TMEM117: variants seen among roughly 807,000 people sequenced by gnomAD.
TMEM117 encodes transmembrane protein 117.
In TMEM117, 27 loss-of-function variants were observed where a neutral mutation model predicts 52.4. The ratio of observed to expected loss-of-function variants is 0.51; its 90% CI spans 0.38 to 0.71. The LOEUF (loss-of-function observed/expected upper bound fraction) is 0.71. TMEM117 is among the 30% of genes least tolerant of loss of function. TMEM117 has a pLI of 0.00. For synonymous variants in TMEM117, 215 were observed against 206.3 expected (o/e 1.04, Z -0.36); for missense variants, 556 against 630.5 (o/e 0.88, Z 1.26).
intron 3 of TMEM117, among the ~76,000 whole-genome samples, chr12:44,039,295 G>C (rs2137891367): frequency 6.6e-6 from 1 of 151,466 alleles, no homozygotes; most frequent in East Asian, 1.9e-4. Context: ...TCTGTTTCTG[G>C]GCTCTGTACT....
At chr12:44,161,830 T>A (rs760073640) in intron 4 of TMEM117, among the ~76,000 whole-genome samples, 1 of 152,174 alleles carries the variant, frequency 6.6e-6, no homozygotes, top group African/African-American at 2.4e-5. Flanking sequence ...TTTTATTACA[T>A]GGATAGGTGT....
At chr12:44,136,058 C>T (rs1349914632) in intron 3 of TMEM117, among the ~76,000 whole-genome samples, 1 of 152,116 alleles carries the variant, frequency 6.6e-6, no homozygotes, top group Non-Finnish European at 1.5e-5. Context: ...ATAATAAAAA[C>T]TTATGGCAAT....
At chr12:43,939,902 A>G (rs775510700) in intron 2 of TMEM117, among the ~76,000 whole-genome samples, 4 of 152,196 alleles carry the variant, frequency 2.6e-5, no homozygotes, top group South Asian at 2.1e-4. Context: ...GCAAAATCAC[A>G]TCTTGCATGG....
At chr12:44,208,762 A>C (rs1265792754) in intron 4 of TMEM117, among the ~76,000 whole-genome samples, 2 of 105,808 alleles carry the variant, frequency 1.9e-5, no homozygotes, top group Non-Finnish European at 3.7e-5. Context: ...TCATCTAACC[A>C]TTTTCCTGAG....
At chr12:43,993,570 G>T (rs1164268754) in intron 3 of TMEM117, among the ~76,000 whole-genome samples, 1 of 152,060 alleles carries the variant, frequency 6.6e-6, no homozygotes, top group Non-Finnish European at 1.5e-5. Flanking sequence ...GAGGGGGGTG[G>T]AAGATATGAG....
the TMEM117 span, among the ~76,000 whole-genome samples, chr12:43,813,231 G>GCTTTTTTTTTTTTTTTTTTTTTT: frequency 5.3e-4 from 33 of 62,668 alleles, no homozygotes; most frequent in African/African-American, 1.9e-3. Context: ...GTTTTCTCTT[G>GCTTTTTTTTTTTTTTTTTTTTTT]TTTTTTTTTT....
chr12:44,142,592 G>T lies in TMEM117; in HGVS notation c.411-933G>T, dbSNP rs537703985. Among the ~76,000 whole-genome samples, 6 of 152,086 alleles carry T rather than the reference G, an allele frequency of 3.9e-5. No homozygotes were observed. The East Asian group carries it at 5.8e-4, about 15-fold the overall frequency. ...ATTGGATGTATTTTAAAATTAAGAA[G>T]AATTAAGTTTTACCAATACTCTAAA... On this transcript the variant is annotated intron_variant, in intron 3 of 7. Transcript: ENST00000266534.
At chr12:43,826,315 C>T in the TMEM117 span, among the ~76,000 whole-genome samples, 7,583 of 152,276 alleles carry the variant, frequency 0.05, 240 homozygotes, top group Middle Eastern at 0.13. Context: ...AAGTGTTTCA[C>T]ATGTATTAAC....
At chr12:44,324,959 A>G (rs1372964780) in intron 6 of TMEM117, among the ~76,000 whole-genome samples, 2 of 152,180 alleles carry the variant, frequency 1.3e-5, no homozygotes, top group Non-Finnish European at 2.9e-5. Context: ...ATTATGACTT[A>G]TAATAAGCTA....
intron 5 of TMEM117, among the ~76,000 whole-genome samples, chr12:44,262,231 A>G (rs149936698): frequency 9.5e-4 from 145 of 152,300 alleles, no homozygotes; most frequent in South Asian, 4.6e-3. Flanking sequence ...CACACACACT[A>G]TGCGGTGTGT....
intron 3 of TMEM117, among the ~76,000 whole-genome samples, chr12:43,966,172 T>C (rs1467052331): frequency 6.6e-6 from 1 of 152,218 alleles, no homozygotes. Context: ...CCTAGGTTGA[T>C]TGCATGTCTT....
chr12:43,860,179 C>A (rs888367305), intron 2 of TMEM117, among the ~76,000 whole-genome samples: 1 of 152,144 alleles, frequency 6.6e-6, no homozygotes, highest in Non-Finnish European at 1.5e-5. Context: ...CCCTAGTCCC[C>A]CCACCCCGTG....
In TMEM117 at chr12:44,089,602, C is replaced by G. The variant is rs1947629134; in HGVS notation, c.411-53923C>G. Among the ~76,000 whole-genome samples the G allele has an allele frequency of 4.6e-5, 7 of 152,124 alleles. 1 individual carries two copies. Among genetic ancestry groups the G allele is most frequent in the Admixed American group, 3.9e-4 (6 of 15,270 alleles). On this transcript the variant is annotated intron_variant, in intron 3 of 7. Transcript: ENST00000266534. ...CCTCTGCACTTTTGCTCATGTGACT[C>G]TCTCAGCGTAAGAGAGTCACATGAG...
At chr12:44,000,268 C>T (rs1014216840) in intron 3 of TMEM117, among the ~76,000 whole-genome samples, 1 of 152,140 alleles carries the variant, frequency 6.6e-6, no homozygotes, top group African/African-American at 2.4e-5. Flanking sequence ...CGAGGTTTCT[C>T]TTGGATAGGT....
intron 5 of TMEM117, among the ~76,000 whole-genome samples, chr12:44,277,761 C>CTTTTT (rs35687259): frequency 2.5e-4 from 24 of 95,494 alleles, no homozygotes; most frequent in South Asian, 4.3e-4. Flanking sequence ...AAACTCTGAG[C>CTTTTT]TTTTTTTTTT....
intron 2 of TMEM117, among the ~76,000 whole-genome samples, chr12:43,890,932 A>G (rs945367180): frequency 1.3e-5 from 2 of 152,138 alleles, no homozygotes; most frequent in East Asian, 1.9e-4. Context: ...TTAAAAATTC[A>G]TCTGACTTTT....
At chr12:44,072,718 A>C (rs1230724211) in intron 3 of TMEM117, among the ~76,000 whole-genome samples, 1 of 152,212 alleles carries the variant, frequency 6.6e-6, no homozygotes, top group East Asian at 1.9e-4. Context: ...ACAAATGTTT[A>C]TTGAGTGGCT....
Position 44,213,299 on chromosome 12 carries a change from A to G in TMEM117, c.608+1912A>G, listed in dbSNP as rs1949671217. ...TTACACTAGGACTGCCTCTAGGAGA[A>G]CAAAAGATACATCAGTGTGCAAATT... On this transcript the variant is annotated intron_variant, in intron 5 of 7. Transcript: ENST00000266534. 2.6e-5 allele frequency among the ~76,000 whole-genome samples: 4 copies of G among 152,214 alleles called. No homozygotes were observed. In the South Asian group the frequency reaches 8.3e-4, roughly 32 times the overall value.
chr12:44,198,964 G>C (rs984631868), intron 4 of TMEM117, among the ~76,000 whole-genome samples: 3 of 152,174 alleles, frequency 2.0e-5, no homozygotes, highest in African/African-American at 7.2e-5. Flanking sequence ...TATGACTGTA[G>C]TGTATTTGGG....
Sources: gnomAD v4.1 joint callset for allele counts (sites outside exome capture counted in the v4.1 genomes callset) on GRCh38, gnomAD v4.1.1 for gene constraint, MANE v1.5 for transcripts, NCBI Gene and HGNC (gene_info 2026-07-23, HGNC 2026-07-21) for gene names.